The following TVP23A variants were observed in gnomAD, a reference collection of about 807,000 sequenced individuals.
TVP23A encodes Golgi apparatus membrane protein TVP23 homolog A.
Under a neutral mutation model 31.7 loss-of-function variants are expected in TVP23A, and 21 were observed. The ratio of observed to expected loss-of-function variants is 0.66; its 90% CI spans 0.47 to 0.95. The LOEUF is 0.95. Among genes scored for constraint, TVP23A ranks in the 40% least tolerant of loss-of-function variants. The pLI, the probability that TVP23A is intolerant of heterozygous loss-of-function variation, is 0.00. For synonymous variants in TVP23A, 104 were observed against 96.0 expected, an observed-to-expected ratio of 1.08 and a Z score of -0.49; for missense variants, 279 against 255.6, an observed-to-expected ratio of 1.09 and a Z score of -0.62.
Position 10,800,531 on chromosome 16 carries a change from A to G in TVP23A, c.89+17572T>C, listed in dbSNP as rs565273799. 3.4e-3 allele frequency among the ~76,000 whole-genome samples: 512 copies of G among 152,362 alleles called. 3 individuals are homozygous for G. The highest frequency in any genetic ancestry group is 5.6e-3 in the Non-Finnish European group (378 of 68,034). On this transcript the variant is annotated intron_variant, in intron 2 of 7. Coordinates refer to ENST00000299866, the MANE Select transcript of TVP23A (RefSeq NM_001079512.4). ...GTATGGCATTCTAGAAACTATGGAC[A>G]TCAGTGGTAAACCCTAACTCAGTGG... is the stretch of plus-strand genomic sequence containing the variant.
chr16:10,784,038 C>A (rs1306424586), intron 2 of TVP23A, among the ~76,000 whole-genome samples: 1 of 151,920 alleles, frequency 6.6e-6, no homozygotes, highest in Non-Finnish European at 1.5e-5. Flanking sequence ...TTTGCCAAAA[C>A]TCATAGAATG....
rs1322834383 is a variant in TVP23A, at chr16:10,770,337, AG to A, written c.583-7del. ...TGAAAGTCACCTGGGCAGGCCTGCA[AG>A]GGGAAAAGTCAACCATGGTTTTCTG... On this transcript the variant is annotated splice_region_variant and splice_polypyrimidine_tract_variant and intron_variant, in intron 6 of 7. Transcript: ENST00000299866. 6.4e-7 allele frequency: 1 copy of A among 1,551,134 alleles called. No individual in the cohort carries two copies. Among genetic ancestry groups the A allele is most frequent in the African/African-American group, 1.4e-5 (1 of 73,136 alleles).
intron 2 of TVP23A, among the ~76,000 whole-genome samples, chr16:10,797,916 T>G (rs969159120): frequency 6.6e-6 from 1 of 151,970 alleles, no homozygotes; most frequent in African/African-American, 2.4e-5. Flanking sequence ...TTCTATTTTG[T>G]ATGTTTGGAA....
chr16:10,806,589 C>T (rs2033956103), intron 2 of TVP23A, among the ~76,000 whole-genome samples: 1 of 152,192 alleles, frequency 6.6e-6, no homozygotes, highest in South Asian at 2.1e-4. Flanking sequence ...GCAACCTTTA[C>T]CTCCCGGGTA....
At chr16:10,761,990 C>T (rs2029987598), downstream of TVP23A, 5 of 679,918 alleles carry the variant, frequency 7.4e-6, no homozygotes, top group Admixed American at 1.4e-4. Context: ...TGGAGCCAGA[C>T]CCACCCTCCA....
Position 10,770,304 on chromosome 16 carries a change from C to T in TVP23A, c.610G>A (p.Gly204Ser), listed in dbSNP as rs1421138335. The change falls in exon 7 of 8, where the codon GGC (glycine) becomes AGC (serine). Residue 204 changes from glycine to serine, a missense_variant. By Grantham distance (56) the Gly-to-Ser change is moderately conservative. Transcript: ENST00000299866. ...TGGTGAATCTCCAGCCCCTCGAGGC[C>T]AGGCTTCTGAAAGTCACCTGGGCAG... ...TACPGDFQKP[G>S]LEGLEIHQH The T allele has an allele frequency of 6.4e-7, 1 of 1,551,256 alleles. No homozygotes were observed. Among genetic ancestry groups the T allele is most frequent in the East Asian group, 2.5e-5 (1 of 40,780 alleles).
intron 2 of TVP23A, among the ~76,000 whole-genome samples, chr16:10,814,607 G>T (rs1463969033): frequency 6.9e-6 from 1 of 144,470 alleles, no homozygotes; most frequent in African/African-American, 2.9e-5. Context: ...CTCCATCACT[G>T]CCCTGAGCAA....
At position 10,770,324 on chromosome 16, in the gene TVP23A, G is replaced by C. The variant is rs1318677363; in HGVS notation, c.590C>G (p.Pro197Arg). The change falls in exon 7 of 8, where the codon CCA becomes CGA. Residue 197 changes from proline (P) to arginine (R), a missense_variant. Coordinates refer to ENST00000299866, the MANE Select transcript of TVP23A (RefSeq NM_001079512.4). ...LSQTVFQTAC[P>R]GDFQKPGLEG... Reference sequence around the variant, plus strand: ...GAGGCCAGGCTTCTGAAAGTCACCTGGGCAGGCCTGCAAGGGGAAAAGTCA... The same window carrying C: ...GAGGCCAGGCTTCTGAAAGTCACCTCGGCAGGCCTGCAAGGGGAAAAGTCA... 6.4e-7 allele frequency: 1 copy of C among 1,551,484 alleles called. No homozygotes were observed. Among genetic ancestry groups the C allele is most frequent in the Non-Finnish European group, 8.7e-7 (1 of 1,147,052 alleles).
chr16:10,788,771 A>T (rs1013237012), intron 2 of TVP23A, among the ~76,000 whole-genome samples: 6 of 152,212 alleles, frequency 3.9e-5, no homozygotes, highest in African/African-American at 1.4e-4. Context: ...TTGTGCTCAA[A>T]CAGCGTATTT....
At chr16:10,761,303 G>C in exon 9 of TVP23A, 1 of 1,483,070 alleles carries the variant, frequency 6.7e-7, no homozygotes, top group Non-Finnish European at 9.4e-7. Flanking sequence ...CCCCTCGGTT[G>C]CACAGACATT....
chr16:10,810,508 T>C (rs1200406708), intron 2 of TVP23A, among the ~76,000 whole-genome samples: 2 of 144,858 alleles, frequency 1.4e-5, no homozygotes, highest in South Asian at 2.2e-4. Context: ...GATCACACCA[T>C]GGTATTCCAG....
downstream of TVP23A, among the ~76,000 whole-genome samples, chr16:10,762,642 A>G (rs78323364): frequency 4.7e-3 from 709 of 152,242 alleles, 10 homozygotes; most frequent in African/African-American, 0.015. Flanking sequence ...GAACAGAGAG[A>G]GAAGGCTGGA....
intron 2 of TVP23A, among the ~76,000 whole-genome samples, chr16:10,799,775 G>A (rs1318990717): frequency 1.3e-5 from 2 of 152,166 alleles, no homozygotes. Flanking sequence ...AGAGTTGGGG[G>A]TGAGTGGATG....
downstream of TVP23A, chr16:10,761,200 G>A (rs893195924): frequency 5.5e-5 from 31 of 567,862 alleles, no homozygotes; most frequent in African/African-American, 2.1e-4. Flanking sequence ...ATTACAGTTC[G>A]AGCTGAGATT....
At chr16:10,812,927 A>G (rs754115648) in intron 2 of TVP23A, among the ~76,000 whole-genome samples, 4 of 152,136 alleles carry the variant, frequency 2.6e-5, no homozygotes, top group Non-Finnish European at 4.4e-5. Flanking sequence ...AAAAGAAATA[A>G]AAAGTTTGCC....
rs1379119300 is a variant in TVP23A at position 10,779,657 on chromosome 16, G to A, written c.90-4561C>T. On this transcript the variant is annotated intron_variant, in intron 2 of 7. Coordinates refer to ENST00000299866, the MANE Select transcript of TVP23A (RefSeq NM_001079512.4). The surrounding 1 kb of genome is among the most constrained non-coding windows in gnomAD (Gnocchi z 4.9). ...AAAACGAGATGCAGATGAACTGGGA[G>A]AGGAAGTTTTTATTTCTGTAGCCAG... Among the ~76,000 whole-genome samples, 1 of 152,250 alleles carries A rather than the reference G, an allele frequency of 6.6e-6. No individual in the cohort carries two copies. Among genetic ancestry groups the A allele is most frequent in the Admixed American group, 6.5e-5 (1 of 15,286 alleles).
chr16:10,770,386 T>G (rs940957684), intron 6 of TVP23A, 55 bp from the exon 7 acceptor site: 14 of 1,523,994 alleles, frequency 9.2e-6, no homozygotes, highest in Non-Finnish European at 1.2e-5. Flanking sequence ...AGTGGGGCGA[T>G]CCTGCTGATG....
At chr16:10,807,095 T>A (rs1489042905) in intron 2 of TVP23A, among the ~76,000 whole-genome samples, 1 of 152,156 alleles carries the variant, frequency 6.6e-6, no homozygotes, top group Non-Finnish European at 1.5e-5. Context: ...ACAATATAAC[T>A]TTGTTCCCCA....
At chr16:10,787,668 A>T (rs2032848135) in intron 2 of TVP23A, among the ~76,000 whole-genome samples, 1 of 132,984 alleles carries the variant, frequency 7.5e-6, no homozygotes, top group African/African-American at 4.1e-5. Flanking sequence ...TGCAGTCTGC[A>T]GTGGGCTGGT....
Sources: gnomAD v4.1 joint callset for allele counts (sites outside exome capture counted in the v4.1 genomes callset) on GRCh38, gnomAD v4.1.1 for gene constraint, Gnocchi (gnomAD v3.1) non-coding constraint, MANE v1.5 for transcripts, NCBI Gene and HGNC (gene_info 2026-07-23, HGNC 2026-07-21) for gene names.